The following TAFA1 variants were observed in gnomAD, a reference collection of about 807,000 sequenced individuals.
TAFA1 encodes the protein TAFA chemokine like family member 1, also known as chemokine-like protein TAFA-1.
In TAFA1, 4 loss-of-function variants were observed where a neutral mutation model predicts 18.5. The ratio of observed to expected loss-of-function variants is 0.22; its 90% CI spans 0.11 to 0.49. The LOEUF (loss-of-function observed/expected upper bound fraction) is 0.49. TAFA1 is among the 20% of genes least tolerant of loss of function. The pLI is 0.98. For missense variants in TAFA1, 147 were observed against 169.0 expected (o/e 0.87, Z 0.72); for synonymous variants, 56 against 55.2 (o/e 1.01, Z -0.06).
chr3:68,115,138 C>G (rs2065309722), intron 2 of TAFA1, among the ~76,000 whole-genome samples: 2 of 152,164 alleles, frequency 1.3e-5, no homozygotes, highest in African/African-American at 4.8e-5. Flanking sequence ...CAGCCAGGAG[C>G]CTTCTGGAAC....
chr3:68,178,688 C>G (rs766014741), intron 2 of TAFA1, among the ~76,000 whole-genome samples: 1 of 152,226 alleles, frequency 6.6e-6, no homozygotes, highest in Non-Finnish European at 1.5e-5. Context: ...AAGACAGCTA[C>G]TTGGCTGGAC....
At chr3:68,379,597 G>A (rs1575818110) in intron 2 of TAFA1, among the ~76,000 whole-genome samples, 2 of 152,170 alleles carry the variant, frequency 1.3e-5, no homozygotes, top group East Asian at 1.9e-4. Context: ...GTATTGCCAA[G>A]TCGTCTTCCA....
intron 3 of TAFA1, among the ~76,000 whole-genome samples, chr3:68,445,670 C>A (rs1275850639): frequency 6.6e-6 from 1 of 152,026 alleles, no homozygotes; most frequent in Non-Finnish European, 1.5e-5. Context: ...TATTAGCATG[C>A]ATCAGAATCA....
chr3:68,383,245 G>A (rs67323594), intron 2 of TAFA1, among the ~76,000 whole-genome samples: 11,359 of 142,794 alleles, frequency 0.08, 512 homozygotes, highest in East Asian at 0.15. Context: ...GGTCAGAGAG[G>A]GTATCCTTGT....
At chr3:68,160,401 C>T (rs938156996) in intron 2 of TAFA1, among the ~76,000 whole-genome samples, 2 of 152,216 alleles carry the variant, frequency 1.3e-5, no homozygotes, top group African/African-American at 4.8e-5. Context: ...CCGGCAGTGA[C>T]TGGCTTTAGC....
chr3:68,502,428 G>A (rs766088553), intron 3 of TAFA1, among the ~76,000 whole-genome samples: 3 of 152,004 alleles, frequency 2.0e-5, no homozygotes, highest in Admixed American at 1.3e-4. Context: ...ACTATTTTGG[G>A]CATTAATATC....
chr3:68,036,026 A>G (rs895567465), intron 2 of TAFA1, among the ~76,000 whole-genome samples: 9 of 152,206 alleles, frequency 5.9e-5, no homozygotes, highest in African/African-American at 1.9e-4. Context: ...CATTGACTAC[A>G]AAGAGTCAGT....
intron 2 of TAFA1, chr3:68,144,906 A>G (rs571438016): frequency 1.5e-4 from 107 of 691,064 alleles, no homozygotes; most frequent in Non-Finnish European, 2.7e-4. Context: ...ATTGGAGATA[A>G]TAATAGGTCA....
chr3:68,055,666 A>G (rs1218080488), intron 2 of TAFA1, among the ~76,000 whole-genome samples: 1 of 152,044 alleles, frequency 6.6e-6, no homozygotes, highest in Non-Finnish European at 1.5e-5. Flanking sequence ...GCTATATTCT[A>G]AGAATAAGAT....
intron 2 of TAFA1, among the ~76,000 whole-genome samples, chr3:68,203,719 G>T (rs1434015544): frequency 6.6e-6 from 1 of 151,564 alleles, no homozygotes; most frequent in Non-Finnish European, 1.5e-5. Context: ...ACTGAAGTTG[G>T]GTACTGTCCT....
chr3:68,381,691 A>G (rs72628604), intron 2 of TAFA1, among the ~76,000 whole-genome samples: 4,565 of 152,274 alleles, frequency 0.03, 95 homozygotes, highest in East Asian at 0.091. Flanking sequence ...GGGGTTTTCC[A>G]GACATACAAT....
At chr3:68,515,659 C>G (rs2072910277) in intron 3 of TAFA1, among the ~76,000 whole-genome samples, 1 of 152,152 alleles carries the variant, frequency 6.6e-6, no homozygotes, top group Non-Finnish European at 1.5e-5. Flanking sequence ...AAAAAGATAT[C>G]AAAATGTGGG....
intron 3 of TAFA1, among the ~76,000 whole-genome samples, chr3:68,455,850 T>A (rs2106908192): frequency 6.6e-6 from 1 of 152,298 alleles, no homozygotes; most frequent in African/African-American, 2.4e-5. Context: ...CCTTCCAGAC[T>A]TTCACTGTGT....
chr3:68,284,979 T>C (rs1559599131), intron 2 of TAFA1, among the ~76,000 whole-genome samples: 1 of 152,070 alleles, frequency 6.6e-6, no homozygotes, highest in Non-Finnish European at 1.5e-5. Flanking sequence ...TCCTAGCTAC[T>C]AGGGAGGCTG....
At chr3:68,353,198 A>C (rs1472045719) in intron 2 of TAFA1, among the ~76,000 whole-genome samples, 1 of 152,040 alleles carries the variant, frequency 6.6e-6, no homozygotes, top group African/African-American at 2.4e-5. Context: ...GTCTCCCACC[A>C]GCTTTGTGTA....
rs529023403 is a variant in TAFA1, at chr3:68,176,938, T to C, written c.118+170194T>C. 9.9e-5 allele frequency among the ~76,000 whole-genome samples: 15 copies of C among 152,282 alleles called. 1 individual carries two copies. The highest frequency in any genetic ancestry group is 3.1e-4 in the African/African-American group (13 of 41,560). ...GGGAAATTGATTCAGTTGTTTATGATTCACTATATTGCTCATCTGGTTCTT... is the reference window on the plus strand; with the variant it reads ...GGGAAATTGATTCAGTTGTTTATGACTCACTATATTGCTCATCTGGTTCTT... On this transcript the variant is annotated intron_variant, in intron 2 of 4. Coordinates refer to ENST00000478136, the MANE Select transcript of TAFA1 (RefSeq NM_213609.4).
intron 3 of TAFA1, among the ~76,000 whole-genome samples, chr3:68,453,454 C>T (rs2071601084): frequency 6.6e-6 from 1 of 152,140 alleles, no homozygotes; most frequent in Non-Finnish European, 1.5e-5. Context: ...CTGGATGCCC[C>T]AAATGAGGAG....
rs143874602 is a variant in TAFA1, at chr3:68,010,379, A to C, written c.118+3635A>C. 3.9e-3 allele frequency among the ~76,000 whole-genome samples: 587 copies of C among 152,272 alleles called. 5 individuals are homozygous for C. The highest frequency in any genetic ancestry group is 0.014 in the African/African-American group (564 of 41,570). Reference sequence around the variant, plus strand: ...ATTTGACGTGATGTTCCCCTCGTTCAGATTGCCTCACCTGGATGGCACCAG... The same window carrying C: ...ATTTGACGTGATGTTCCCCTCGTTCCGATTGCCTCACCTGGATGGCACCAG... On this transcript the variant is annotated intron_variant, in intron 2 of 4. Coordinates refer to ENST00000478136, the MANE Select transcript of TAFA1 (RefSeq NM_213609.4).
At chr3:68,508,884 G>T (rs957915113) in intron 3 of TAFA1, among the ~76,000 whole-genome samples, 2 of 151,910 alleles carry the variant, frequency 1.3e-5, no homozygotes, top group African/African-American at 4.8e-5. Context: ...GAGAAGGCTG[G>T]CCAAGTAAAT....
Sources: gnomAD v4.1 joint callset for allele counts (sites outside exome capture counted in the v4.1 genomes callset) on GRCh38, gnomAD v4.1.1 for gene constraint, MANE v1.5 for transcripts, NCBI Gene and HGNC (gene_info 2026-07-23, HGNC 2026-07-21) for gene names.